Variants in TSR1 observed in about 807,000 individuals in gnomAD.
The protein encoded by TSR1 is TSR1 ribosome maturation factor, also known as pre-rRNA-processing protein TSR1 homolog.
In TSR1, 81 loss-of-function variants were observed where a neutral mutation model predicts 90.9. The ratio of observed to expected loss-of-function variants is 0.89; its 90% confidence interval spans 0.74 to 1.07. TSR1 has a LOEUF of 1.07. Among genes scored for constraint, TSR1 ranks in the 50% least tolerant of loss-of-function variants. The pLI is 0.00. For synonymous variants in TSR1, 362 were observed against 348.8 expected, an observed-to-expected ratio of 1.04 and a Z score of -0.42; for missense variants, 989 against 987.3, an observed-to-expected ratio of 1.00 and a Z score of -0.02.
Position 2,329,198 on chromosome 17 carries a change from A to G in TSR1, c.1903+145T>C, listed in dbSNP as rs780868092. 4.0e-6 allele frequency: 5 copies of G among 1,257,256 alleles called. No homozygotes were observed. In the Admixed American group the frequency reaches 8.4e-5, roughly 21 times the overall value. The allele number at this position is 1,257,256 out of a possible 1,614,324, so 77.9% of individuals were successfully genotyped here. ...AGGTTCAGACATTTTGAATAAAAACATCATTGGCTCTTAAGCCAGAGTACT... is the reference window on the plus strand; with the variant it reads ...AGGTTCAGACATTTTGAATAAAAACGTCATTGGCTCTTAAGCCAGAGTACT... On this transcript the variant is annotated intron_variant, in intron 11 of 14. Coordinates refer to ENST00000301364, the MANE Select transcript of TSR1 (RefSeq NM_018128.5).
chr17:2,322,990 C>T lies in TSR1; in HGVS notation c.*1206G>A, dbSNP rs1299118243. 1 of 744,330 alleles carries T rather than the reference C, an allele frequency of 1.3e-6. No homozygotes were observed. The highest frequency in any genetic ancestry group is 1.8e-5 in the African/African-American group (1 of 56,816). 46.1% of individuals were successfully genotyped at this position (744,330 alleles called of 1,614,324 possible). A position where few individuals can be genotyped will look rare whatever the true frequency, so the allele number is the denominator to read the frequency against. ...AGGTTGGCCAGGCTGGTCTTGAACTCCTGACCTCAGCTGATCCACCCGCCT... is the reference window on the plus strand; with the variant it reads ...AGGTTGGCCAGGCTGGTCTTGAACTTCTGACCTCAGCTGATCCACCCGCCT... On this transcript the variant is annotated 3_prime_UTR_variant, in exon 15 of 15. Transcript: ENST00000301364.
chr17:2,322,882 A>G lies in TSR1; in HGVS notation c.*1314T>C. On this transcript the variant is annotated 3_prime_UTR_variant, in exon 15 of 15. Transcript: ENST00000301364. ...CAAGTTCAAGTGATTCTCCTACCTC[A>G]GCCTCTTGAGTAGCTGGGATTACAG... The G allele has an allele frequency of 2.3e-6, 1 of 430,840 alleles. No homozygotes were observed. Among genetic ancestry groups the G allele is most frequent in the Non-Finnish European group, 4.3e-6 (1 of 232,448 alleles). The allele number at this position is 430,840 out of a possible 1,614,324, so 26.7% of individuals were successfully genotyped here.
In TSR1 at chr17:2,335,623, A is replaced by G. The variant is rs747170682; in HGVS notation, c.309T>C (p.Leu103=). The G allele has an allele frequency of 6.2e-7, 1 of 1,614,174 alleles. No homozygotes were observed. Among genetic ancestry groups the G allele is most frequent in the Non-Finnish European group, 8.5e-7 (1 of 1,180,024 alleles). The change falls in exon 3 of 15, where the codon CTT becomes CTC. Residue 103 remains leucine (L), a synonymous_variant. Transcript: ENST00000301364. ...GTACTGTTCCAGTGTCCCTATCTTG[A>G]AGCAGCTGCATGGCCTCTGGCAGGG... ...RISLPEAMQL[L]QDRDTGTVHL...
At chr17:2,328,546 G>A (rs1353657032) in intron 11 of TSR1, among the ~76,000 whole-genome samples, 1 of 151,496 alleles carries the variant, frequency 6.6e-6, no homozygotes, top group African/African-American at 2.4e-5. Context: ...CCGAGATCAC[G>A]CTATTGCACT....
rs144891227 is a variant in TSR1, at chr17:2,329,448, G to A, written c.1798C>T (p.Arg600Cys). 4.9e-5 allele frequency: 79 copies of A among 1,613,986 alleles called. No homozygotes were observed. Among genetic ancestry groups the A allele is most frequent in the African/African-American group, 2.4e-4 (18 of 74,890 alleles). ...ACAGGTTCAGTGTTGCCAGGGTCAC[G>A]CCTCACCACCATATTCAATACTGAC... ...KMSVLNMVVR[R>C]DPGNTEPVKA... Residue 600 changes from arginine to cysteine, a missense_variant, in exon 11 of 15, where the codon CGT becomes TGT. By Grantham distance (180) the Arg-to-Cys change is radical (BLOSUM62 -3). Transcript: ENST00000301364.
rs776923067 is a variant in TSR1, at chr17:2,324,268, T to G, written c.2343A>C (p.Pro781=). 5 of 1,551,872 alleles carry G rather than the reference T, an allele frequency of 3.2e-6. No homozygotes were observed. The East Asian group carries it at 1.1e-4, about 35-fold the overall frequency. The stretch of plus-strand genomic sequence containing the variant: ...GCCAGGGTACTGGTTCTGGTACATA[T>G]GGATCATAAGTCCATTTGGGGAAGA... The part of the protein sequence containing the change: ...KRVFPKWTYD[P]YVPEPVPWLK... The change falls in exon 15 of 15, where the codon CCA becomes CCC. Residue 781 remains proline, a synonymous_variant. Coordinates refer to ENST00000301364, the MANE Select transcript of TSR1 (RefSeq NM_018128.5).
At chr17:2,332,016 A>G (rs960522026) in intron 8 of TSR1, among the ~76,000 whole-genome samples, 153 bp downstream of exon 8, 2 of 152,152 alleles carry the variant, frequency 1.3e-5, no homozygotes, top group Non-Finnish European at 2.9e-5. Context: ...CATTTCCCGT[A>G]TGTATGTCCT....
intron 2 of TSR1, 28 bp from the exon 3 acceptor site, chr17:2,335,758 T>C: frequency 1.9e-6 from 3 of 1,598,378 alleles, no homozygotes; most frequent in African/African-American, 1.3e-5. Context: ...TCCGAGAACA[T>C]CTCAGTGTCT....
intron 11 of TSR1, 146 bp downstream of exon 11, chr17:2,329,197 C>T (rs1403673854): frequency 8.0e-7 from 1 of 1,252,660 alleles, no homozygotes; most frequent in Non-Finnish European, 1.2e-6. Flanking sequence ...TGAATAAAAA[C>T]ATCATTGGCT....
In TSR1 at chr17:2,324,108, A is replaced by G. The variant is rs1229727826; in HGVS notation, c.*88T>C. On this transcript the variant is annotated 3_prime_UTR_variant, in exon 15 of 15. Transcript: ENST00000301364. ...GGGCAGTGGACTGACAGGCTGACAT[A>G]GAAAATAAACTTTGCCCAATCACAA... is the stretch of plus-strand genomic sequence containing the variant. 2.7e-6 allele frequency: 4 copies of G among 1,475,274 alleles called. No individual in the cohort carries two copies. The highest frequency in any genetic ancestry group is 1.4e-5 in the South Asian group (1 of 70,308). 91.4% of individuals were successfully genotyped at this position (1,475,274 alleles called of 1,614,324 possible). A position where few individuals can be genotyped will look rare whatever the true frequency, so the allele number is the denominator to read the frequency against.
chr17:2,323,603 A>G lies in TSR1; in HGVS notation c.*593T>C. 6.3e-7 allele frequency: 1 copy of G among 1,582,430 alleles called. No individual in the cohort carries two copies. The highest frequency in any genetic ancestry group is 1.3e-5 in the African/African-American group (1 of 74,448). ...GTATTCTCATCTGAACTTTATAGGTAAACCAACTAGACTCCCCTTTCACTA... is the reference window on the plus strand; with the variant it reads ...GTATTCTCATCTGAACTTTATAGGTGAACCAACTAGACTCCCCTTTCACTA... On this transcript the variant is annotated 3_prime_UTR_variant, in exon 15 of 15. Coordinates refer to ENST00000301364, the MANE Select transcript of TSR1 (RefSeq NM_018128.5).
In TSR1 at chr17:2,330,808, C is replaced by G; in HGVS notation, c.1659+139G>C. On this transcript the variant is annotated intron_variant, in intron 9 of 14. Coordinates refer to ENST00000301364, the MANE Select transcript of TSR1 (RefSeq NM_018128.5). Reference sequence around the variant, plus strand: ...TAACATAGCTGATACCTCTTTGTTCCCAGTATCATTCTAATCAATGACTCA... The same window carrying G: ...TAACATAGCTGATACCTCTTTGTTCGCAGTATCATTCTAATCAATGACTCA... 2 of 1,032,364 alleles carry G rather than the reference C, an allele frequency of 1.9e-6. 1 individual carries two copies. Among genetic ancestry groups the G allele is most frequent in the East Asian group, 5.1e-5 (2 of 39,446 alleles). 64.0% of individuals were successfully genotyped at this position (1,032,364 alleles called of 1,614,324 possible).
intron 4 of TSR1, 53 bp downstream of exon 4, chr17:2,335,207 C>G (rs2064044528): frequency 2.7e-5 from 42 of 1,572,334 alleles, no homozygotes; most frequent in Non-Finnish European, 3.4e-5. Flanking sequence ...TATCAAATAC[C>G]AGGCATAGTG....
chr17:2,332,917 T>A (rs774935702), intron 7 of TSR1, 44 bp downstream of exon 7: 9 of 1,589,490 alleles, frequency 5.7e-6, no homozygotes, highest in Non-Finnish European at 7.7e-6. Context: ...TTGCCTTACA[T>A]TTGGAGCTAG....
In TSR1 at chr17:2,325,431, G is replaced by T; in HGVS notation, c.1904-11C>A. 1 of 1,599,322 alleles carries T rather than the reference G, an allele frequency of 6.3e-7. No homozygotes were observed. Among genetic ancestry groups the T allele is most frequent in the Non-Finnish European group, 8.5e-7 (1 of 1,174,020 alleles). On this transcript the variant is annotated splice_polypyrimidine_tract_variant and intron_variant, in intron 11 of 14. Coordinates refer to ENST00000301364, the MANE Select transcript of TSR1 (RefSeq NM_018128.5). ...ATTTATGTTTGTCCGCTGCCATAAG[G>T]GTTAAAAAATGAAAAGCAAAACCAT...
intron 6 of TSR1, 79 bp downstream of exon 6, chr17:2,333,478 A>C: frequency 3.2e-6 from 5 of 1,561,164 alleles, no homozygotes; most frequent in Non-Finnish European, 4.4e-6. Context: ...TCTATCCTAT[A>C]GGGCCCTCAC....
chr17:2,330,569 G>A lies in TSR1; in HGVS notation c.1716C>T (p.Cys572=). 2 of 1,613,936 alleles carry A rather than the reference G, an allele frequency of 1.2e-6. No individual in the cohort carries two copies. Among genetic ancestry groups the A allele is most frequent in the South Asian group, 1.1e-5 (1 of 91,048 alleles). Residue 572 remains cysteine, a synonymous_variant, in exon 10 of 15, where the codon TGC becomes TGT. Transcript: ENST00000301364. ...VSEVPVSVVE[C]FRQGTPLIAF... is the part of the protein sequence containing the mutation. ...CAATCAAGGGTGTTCCTTGCCTGAAGCACTCGACCACTGAGACGGGGACTT... is the reference window on the plus strand; with the variant it reads ...CAATCAAGGGTGTTCCTTGCCTGAAACACTCGACCACTGAGACGGGGACTT...
rs1248885318 is a variant in TSR1 at position 2,325,291 on chromosome 17, T to C, written c.2020+13A>G. On this transcript the variant is annotated intron_variant, in intron 12 of 14. Transcript: ENST00000301364. ...GACCTGCAGGGTCTGTTCATCTCTG[T>C]GGCTCAACTTACCATTGCTTTTTTG... The C allele has an allele frequency of 6.3e-7, 1 of 1,597,056 alleles. No individual in the cohort carries two copies. The highest frequency in any genetic ancestry group is 1.3e-5 in the African/African-American group (1 of 74,324).
rs191823941 is a variant in TSR1 at position 2,333,566 on chromosome 17, C to T, written c.1132G>A (p.Glu378Lys). ...QTWPTEEELS[E>K]AKDFLKESSK... ...GTTTACCAATACTGACCCTTTGCCT[C>T]GCTCAGCTCCTCCTCAGTGGGCCAG... The change falls in exon 6 of 15, where the codon GAG becomes AAG. Residue 378 changes from glutamate (E) to lysine (K), a missense_variant. By Grantham distance (56) the Glu-to-Lys change is moderately conservative. Transcript: ENST00000301364. 1,034 of 1,614,122 alleles carry T rather than the reference C, an allele frequency of 6.4e-4. 9 individuals carry two copies. The highest frequency in any genetic ancestry group is 2.1e-4 in the Non-Finnish European group (244 of 1,180,006).
Sources: gnomAD v4.1 joint callset for allele counts (sites outside exome capture counted in the v4.1 genomes callset) on GRCh38, gnomAD v4.1.1 for gene constraint, MANE v1.5 for transcripts, NCBI Gene and HGNC (gene_info 2026-07-23, HGNC 2026-07-21) for gene names.